Variants in PRKCH observed in about 807,000 individuals in gnomAD.
PRKCH encodes the protein protein kinase C eta type.
In PRKCH, 28 loss-of-function variants were observed where a neutral mutation model predicts 82.5. The observed-to-expected ratio is 0.34, with a 90% CI of 0.25 to 0.47. The LOEUF is 0.47. PRKCH is among the 20% of genes least tolerant of loss of function. The pLI is 1.00. For missense variants in PRKCH, 705 were observed against 881.8 expected (o/e 0.80, Z 2.54); for synonymous variants, 322 against 327.4 (o/e 0.98, Z 0.18).
At chr14:61,275,833 T>C (rs1193610376) in intron 1 of PRKCH, among the ~76,000 whole-genome samples, 1 of 152,214 alleles carries the variant, frequency 6.6e-6, no homozygotes, top group Non-Finnish European at 1.5e-5. Flanking sequence ...CCACAGGATT[T>C]TTCTCTGTCC....
chr14:61,242,859 C>A (rs1004291541), intron 1 of PRKCH, among the ~76,000 whole-genome samples: 1 of 152,020 alleles, frequency 6.6e-6, no homozygotes, highest in African/African-American at 2.4e-5. Flanking sequence ...GTAATAAACA[C>A]GTATTGTCTA....
chr14:61,421,997 A>G (rs1479376737), intron 2 of PRKCH, among the ~76,000 whole-genome samples: 1 of 152,188 alleles, frequency 6.6e-6, no homozygotes, highest in Non-Finnish European at 1.5e-5. Context: ...TGGATGAGTG[A>G]TAAGGTCTTG....
chr14:61,278,474 G>T (rs1403317537), intron 1 of PRKCH: 1 of 152,148 alleles, frequency 6.6e-6, no homozygotes, highest in Admixed American at 6.5e-5. Context: ...AATTTTCAAA[G>T]ACTAGAATAA....
intron 1 of PRKCH, chr14:61,279,368 C>T (rs2045235469): frequency 6.6e-6 from 1 of 152,192 alleles, no homozygotes; most frequent in Non-Finnish European, 1.5e-5. Flanking sequence ...TGTCACTGCC[C>T]CTGGGAACAA....
intron 2 of PRKCH, among the ~76,000 whole-genome samples, chr14:61,441,306 C>A (rs1307301680): frequency 6.6e-6 from 1 of 152,118 alleles, no homozygotes; most frequent in Non-Finnish European, 1.5e-5. Context: ...GAAGGGGCCA[C>A]CTGATTTCTA....
chr14:61,433,741 T>A (rs534840382), intron 2 of PRKCH, among the ~76,000 whole-genome samples: 1 of 152,210 alleles, frequency 6.6e-6, no homozygotes, highest in Non-Finnish European at 1.5e-5. Context: ...CAGCAACTTT[T>A]AAAAAGATAT....
intron 1 of PRKCH, among the ~76,000 whole-genome samples, chr14:61,264,341 C>G (rs2045077119): frequency 6.6e-6 from 1 of 152,172 alleles, no homozygotes; most frequent in Middle Eastern, 3.2e-3. Flanking sequence ...AGTAGCATTG[C>G]CAGTCCTAAG....
intron 12 of PRKCH, among the ~76,000 whole-genome samples, chr14:61,533,694 T>A (rs1426640534): frequency 1.3e-5 from 2 of 152,184 alleles, no homozygotes; most frequent in Non-Finnish European, 1.5e-5. Flanking sequence ...GCAGGTGGGG[T>A]GTACAACCCA....
intron 1 of PRKCH, chr14:61,281,298 C>T (rs1283088871): frequency 2.5e-6 from 1 of 400,808 alleles, no homozygotes; most frequent in African/African-American, 2.1e-5. Flanking sequence ...CCTCCTCTGC[C>T]TCCGTCACAG....
chr14:61,549,679 TGGCAGAAA>T lies in PRKCH; in HGVS notation c.1906-5_1908del. On this transcript the variant is annotated splice_acceptor_variant and splice_polypyrimidine_tract_variant and coding_sequence_variant and intron_variant, in exon 14 of 14. Coordinates refer to ENST00000332981, the MANE Select transcript of PRKCH (RefSeq NM_006255.5). LOFTEE classifies it high-confidence loss of function. ...CTCACCCTTGTTTCCCTTTTTTTTT[TGGCAGAAA>T]TCCCGAGAAGATGTCAGTAATTTTG... is the stretch of plus-strand genomic sequence containing the variant. 2.5e-6 allele frequency: 4 copies of T among 1,606,230 alleles called. No homozygotes were observed. Among genetic ancestry groups the T allele is most frequent in the Admixed American group, 3.4e-5 (2 of 58,380 alleles).
chr14:61,487,473 A>T (rs939135494), intron 10 of PRKCH, among the ~76,000 whole-genome samples: 2 of 151,996 alleles, frequency 1.3e-5, no homozygotes, highest in Non-Finnish European at 2.9e-5. Context: ...TGCTGGTATG[A>T]TCTCTGATGG....
intron 1 of PRKCH, among the ~76,000 whole-genome samples, chr14:61,386,066 A>G (rs1260375285): frequency 6.6e-6 from 1 of 152,220 alleles, no homozygotes; most frequent in Non-Finnish European, 1.5e-5. Flanking sequence ...AATTTTCATA[A>G]TTTTGACTAT....
chr14:61,358,172 C>A (rs768431094), intron 1 of PRKCH, among the ~76,000 whole-genome samples: 3 of 152,132 alleles, frequency 2.0e-5, no homozygotes, highest in African/African-American at 7.2e-5. Context: ...TTCCCTGACC[C>A]TCAGTGTCTT....
chr14:61,389,035 A>G (rs1030445246), intron 1 of PRKCH, among the ~76,000 whole-genome samples: 1 of 152,222 alleles, frequency 6.6e-6, no homozygotes, highest in Non-Finnish European at 1.5e-5. Flanking sequence ...GGGCTTTGTC[A>G]TGGGTAGATA....
At chr14:61,264,806 T>A (rs771497463) in intron 1 of PRKCH, among the ~76,000 whole-genome samples, 1 of 152,178 alleles carries the variant, frequency 6.6e-6, no homozygotes, top group African/African-American at 2.4e-5. Flanking sequence ...TTTGGGATAG[T>A]GCTTGGCAGT....
At chr14:61,447,088 T>C (rs151087062) in intron 4 of PRKCH, among the ~76,000 whole-genome samples, 206 of 152,128 alleles carry the variant, frequency 1.4e-3, no homozygotes, top group African/African-American at 4.7e-3. Flanking sequence ...CTAACACTGA[T>C]CAAAAGCAAA....
rs2045225519 is a variant in PRKCH at position 61,278,650 on chromosome 14, C to T, written c.-19+90982C>T. ...ATACCAAATAACTGTTTGTTTTTAC[C>T]AAATAAACTGGTAAGATGATATCAC... is the stretch of plus-strand genomic sequence containing the variant. On this transcript the variant is annotated intron_variant, in intron 1 of 3. Coordinates refer to the PRKCH transcript ENST00000555185. 4 of 152,000 alleles carry T rather than the reference C, an allele frequency of 2.6e-5. No individual in the cohort carries two copies. In the South Asian group the frequency reaches 6.2e-4, roughly 24 times the overall value. 9.4% of individuals were successfully genotyped at this position (152,000 alleles called of 1,614,324 possible).
intron 1 of PRKCH, among the ~76,000 whole-genome samples, chr14:61,195,086 C>A (rs1594846345): frequency 6.6e-6 from 1 of 152,170 alleles, no homozygotes; most frequent in African/African-American, 2.4e-5. Flanking sequence ...TGCATATTTA[C>A]TTTTTCCATT....
upstream of PRKCH, among the ~76,000 whole-genome samples, chr14:61,319,498 G>C (rs866528380): frequency 6.6e-6 from 1 of 152,054 alleles, no homozygotes; most frequent in African/African-American, 2.4e-5. Context: ...GGAGTGTCTG[G>C]TATCGTCATA....
Sources: gnomAD v4.1 joint callset for allele counts (sites outside exome capture counted in the v4.1 genomes callset) on GRCh38, gnomAD v4.1.1 for gene constraint, MANE v1.5 for transcripts, NCBI Gene and HGNC (gene_info 2026-07-23, HGNC 2026-07-21) for gene names.